The following LARP4 variants were observed in gnomAD, a reference collection of about 807,000 sequenced individuals.
The protein encoded by LARP4 is la-related protein 4.
In LARP4, 29 loss-of-function variants were observed where a neutral mutation model predicts 92.9. That is an observed-to-expected ratio of 0.31 (90% CI 0.23 to 0.43). The LOEUF is 0.43. Ranked by LOEUF, LARP4 falls within the 20% of genes least tolerant of loss-of-function variation. LARP4 has a pLI of 1.00. For synonymous variants in LARP4, 279 were observed against 284.1 expected (o/e 0.98, Z 0.18); for missense variants, 732 against 860.0 (o/e 0.85, Z 1.86).
chr12:50,464,060 AC>A (rs1479472340), intron 12 of LARP4, among the ~76,000 whole-genome samples: 1 of 152,222 alleles, frequency 6.6e-6, no homozygotes, highest in African/African-American at 2.4e-5. Context: ...TCTACCTGTT[AC>A]CCAGTTCCAG....
At chr12:50,446,769 AG>A (rs1952268639) in intron 8 of LARP4, among the ~76,000 whole-genome samples, 2 of 152,040 alleles carry the variant, frequency 1.3e-5, no homozygotes, top group South Asian at 4.1e-4. Flanking sequence ...ACTTGATTTT[AG>A]TTCCTTAGGG....
intron 12 of LARP4, 124 bp from the exon 13 acceptor site, chr12:50,466,835 C>T: frequency 3.8e-6 from 3 of 787,550 alleles, no homozygotes; most frequent in Admixed American, 2.6e-5. Flanking sequence ...TGTAGGGATA[C>T]AGTTCTGTGC....
intron 4 of LARP4, among the ~76,000 whole-genome samples, 199 bp downstream of exon 4, chr12:50,430,769 T>C (rs1343196731): frequency 1.3e-5 from 2 of 152,062 alleles, no homozygotes; most frequent in East Asian, 3.9e-4. Flanking sequence ...CAAGAGATTC[T>C]TGTGCCTCAG....
chr12:50,451,896 C>T (rs566715379), intron 8 of LARP4, among the ~76,000 whole-genome samples: 38 of 151,974 alleles, frequency 2.5e-4, no homozygotes, highest in African/African-American at 8.9e-4. Flanking sequence ...CCCAGCTACT[C>T]AGGAGGCTGA....
intron 5 of LARP4, among the ~76,000 whole-genome samples, chr12:50,435,909 C>T (rs1222380238): frequency 6.6e-6 from 1 of 151,962 alleles, no homozygotes. Context: ...TCCCAAGTTA[C>T]TGGGACCCCA....
chr12:50,438,889 A>G (rs934671795), intron 6 of LARP4, among the ~76,000 whole-genome samples: 1 of 152,204 alleles, frequency 6.6e-6, no homozygotes, highest in Non-Finnish European at 1.5e-5. Flanking sequence ...GAAGATGAGG[A>G]TAATTAGTAA....
intron 13 of LARP4, among the ~76,000 whole-genome samples, chr12:50,470,800 C>G (rs1323503607): frequency 6.6e-6 from 1 of 152,108 alleles, no homozygotes; most frequent in African/African-American, 2.4e-5. Flanking sequence ...TGTGTATCTC[C>G]CCACTATTTA....
At chr12:50,403,469 G>T (rs1415995934) in intron 1 of LARP4, among the ~76,000 whole-genome samples, 1 of 152,072 alleles carries the variant, frequency 6.6e-6, no homozygotes, top group Non-Finnish European at 1.5e-5. Context: ...TATTGTTAAC[G>T]TATTGCTATA....
chr12:50,460,354 G>A (rs1271546067), intron 10 of LARP4, among the ~76,000 whole-genome samples: 3 of 152,034 alleles, frequency 2.0e-5, no homozygotes, highest in African/African-American at 7.2e-5. Flanking sequence ...TTAGAGATAG[G>A]GTTTTCTCTG....
intron 7 of LARP4, 126 bp from the exon 8 acceptor site, chr12:50,441,464 C>A: frequency 1.6e-6 from 1 of 607,028 alleles, no homozygotes; most frequent in East Asian, 3.0e-5. Flanking sequence ...CCCTGTCCAC[C>A]TGCACAGTGG....
intron 10 of LARP4, among the ~76,000 whole-genome samples, chr12:50,458,741 C>T (rs1954798954): frequency 6.6e-6 from 1 of 152,172 alleles, no homozygotes. Flanking sequence ...ACTGATTAAA[C>T]TACATTCTTT....
intron 8 of LARP4, among the ~76,000 whole-genome samples, chr12:50,449,227 G>C (rs911677717): frequency 1.1e-4 from 16 of 152,150 alleles, no homozygotes; most frequent in Non-Finnish European, 5.9e-5. Flanking sequence ...ATTGGCGGCA[G>C]AGCAAGACTG....
intron 1 of LARP4, among the ~76,000 whole-genome samples, chr12:50,407,400 T>C (rs1285541993): frequency 6.6e-6 from 1 of 152,214 alleles, no homozygotes; most frequent in Non-Finnish European, 1.5e-5. Flanking sequence ...GCCTTGTTAC[T>C]AACATACTCT....
intron 1 of LARP4, among the ~76,000 whole-genome samples, chr12:50,424,466 C>A (rs1948412929): frequency 6.6e-6 from 1 of 151,614 alleles, no homozygotes; most frequent in Non-Finnish European, 1.5e-5. Context: ...TCAAGCGATT[C>A]TCTTGCCTCA....
intron 1 of LARP4, among the ~76,000 whole-genome samples, chr12:50,419,409 T>C (rs770498873): frequency 2.7e-4 from 41 of 151,926 alleles, no homozygotes; most frequent in Non-Finnish European, 4.6e-4. Flanking sequence ...AAAAGCACAC[T>C]GACAGTTTTA....
At chr12:50,446,097 G>C (rs1411580404) in intron 8 of LARP4, among the ~76,000 whole-genome samples, 1 of 150,072 alleles carries the variant, frequency 6.7e-6, no homozygotes, top group African/African-American at 2.4e-5. Flanking sequence ...CCGCCTGCTG[G>C]GTTCACGCCA....
At chr12:50,434,333 C>A (rs923035007) in intron 4 of LARP4, among the ~76,000 whole-genome samples, 3 of 151,016 alleles carry the variant, frequency 2.0e-5, no homozygotes, top group Admixed American at 1.3e-4. Flanking sequence ...GTGTAAGATG[C>A]AAGTGTTTGC....
At chr12:50,428,888 G>A in intron 2 of LARP4, 47 bp from the exon 3 acceptor site, 1 of 1,456,502 alleles carries the variant, frequency 6.9e-7, no homozygotes, top group South Asian at 1.4e-5. Flanking sequence ...CCTGAGAATA[G>A]AATTTAAATA....
intron 1 of LARP4, among the ~76,000 whole-genome samples, chr12:50,425,651 C>T (rs150442350): frequency 9.2e-5 from 14 of 152,200 alleles, no homozygotes; most frequent in East Asian, 3.9e-4. Flanking sequence ...CTACGGCATC[C>T]GTGCCAAAGC....
Sources: gnomAD v4.1 joint callset for allele counts (sites outside exome capture counted in the v4.1 genomes callset) on GRCh38, gnomAD v4.1.1 for gene constraint, MANE v1.5 for transcripts, NCBI Gene and HGNC (gene_info 2026-07-23, HGNC 2026-07-21) for gene names.